Variants in HERPUD2 observed in about 807,000 individuals in gnomAD.
The protein encoded by HERPUD2 is homocysteine-responsive endoplasmic reticulum-resident ubiquitin-like domain member 2 protein.
HERPUD2 carries 13 observed loss-of-function variants against 49.9 expected under a neutral mutation model. The observed-to-expected ratio is 0.26, with a 90% CI of 0.17 to 0.41. HERPUD2 has a LOEUF of 0.41. Ranked by LOEUF, HERPUD2 falls within the 10% of genes least tolerant of loss-of-function variation. The pLI, the probability that HERPUD2 is intolerant of heterozygous loss-of-function variation, is 1.00. For missense variants in HERPUD2, 449 were observed against 492.2 expected (o/e 0.91, Z 0.83); for synonymous variants, 172 against 171.4 (o/e 1.00, Z -0.03).
chr7:35,691,883 G>A (rs1344899300), intron 2 of HERPUD2, among the ~76,000 whole-genome samples: 2 of 152,086 alleles, frequency 1.3e-5, no homozygotes, highest in Admixed American at 6.6e-5. Flanking sequence ...CAATTCTCAC[G>A]TGATAAGAAT....
chr7:35,639,177 C>T (rs1180571583), intron 5 of HERPUD2, among the ~76,000 whole-genome samples: 7 of 151,888 alleles, frequency 4.6e-5, no homozygotes, highest in African/African-American at 9.7e-5. Flanking sequence ...TACAGGCACG[C>T]GCCACCACAC....
At chr7:35,644,010 C>G (rs1785008716) in intron 5 of HERPUD2, among the ~76,000 whole-genome samples, 1 of 152,058 alleles carries the variant, frequency 6.6e-6, no homozygotes, top group South Asian at 2.1e-4. Flanking sequence ...AATAGTACTG[C>G]TATTTTAAAA....
chr7:35,675,211 G>A (rs1414222403), intron 2 of HERPUD2, among the ~76,000 whole-genome samples: 13 of 152,180 alleles, frequency 8.5e-5, no homozygotes, highest in Non-Finnish European at 1.6e-4. Context: ...AGAACTCCTT[G>A]TTGTTGGAGA....
intron 5 of HERPUD2, among the ~76,000 whole-genome samples, chr7:35,644,174 G>T (rs1242100634): frequency 6.6e-6 from 1 of 151,336 alleles, no homozygotes. Flanking sequence ...ACCTAAATTT[G>T]ATATATCAGT....
chr7:35,659,920 A>T (rs993633372), intron 5 of HERPUD2, among the ~76,000 whole-genome samples: 4 of 150,874 alleles, frequency 2.7e-5, no homozygotes, highest in African/African-American at 7.3e-5. Flanking sequence ...TCTAGGGTAC[A>T]TGTTCACAAC....
intron 2 of HERPUD2, among the ~76,000 whole-genome samples, chr7:35,674,689 A>T (rs1256925091): frequency 6.7e-6 from 1 of 148,306 alleles, no homozygotes; most frequent in East Asian, 2.0e-4. Context: ...CCAGAGAGGG[A>T]GAGTGGCTTA....
chr7:35,682,706 A>T (rs915712768), intron 2 of HERPUD2, among the ~76,000 whole-genome samples: 2 of 152,014 alleles, frequency 1.3e-5, no homozygotes, highest in Non-Finnish European at 2.9e-5. Flanking sequence ...AACTAATAAA[A>T]GAATTCAGCA....
intron 2 of HERPUD2, among the ~76,000 whole-genome samples, chr7:35,690,825 C>T (rs1786166412): frequency 1.3e-5 from 2 of 151,620 alleles, no homozygotes; most frequent in South Asian, 2.1e-4. Context: ...AAAAAAAGAA[C>T]GGTATAAAAA....
chr7:35,666,167 C>T (rs184327111), intron 5 of HERPUD2, among the ~76,000 whole-genome samples: 17 of 152,314 alleles, frequency 1.1e-4, no homozygotes, highest in Admixed American at 9.8e-4. Context: ...CCTGAGAACA[C>T]TGCTTTTTAC....
chr7:35,683,371 T>C (rs943027204), intron 2 of HERPUD2, among the ~76,000 whole-genome samples: 21 of 152,314 alleles, frequency 1.4e-4, no homozygotes, highest in Admixed American at 5.2e-4. Flanking sequence ...TAGTCACATG[T>C]AGAAGAATGA....
chr7:35,646,696 T>C (rs1427374548), intron 5 of HERPUD2, among the ~76,000 whole-genome samples: 1 of 152,178 alleles, frequency 6.6e-6, no homozygotes, highest in African/African-American at 2.4e-5. Flanking sequence ...GAATGTGTAA[T>C]ATGCCTGTCC....
chr7:35,673,409 T>C (rs1420193602), intron 2 of HERPUD2, 131 bp from the exon 3 acceptor site: 1 of 643,244 alleles, frequency 1.6e-6, no homozygotes, highest in South Asian at 2.2e-5. Context: ...TGACACAATT[T>C]AAGAATTTTT....
intron 8 of HERPUD2, 89 bp downstream of exon 8, chr7:35,634,223 G>T: frequency 1.2e-6 from 1 of 815,234 alleles, no homozygotes; most frequent in Non-Finnish European, 2.1e-6. Flanking sequence ...AATACTTATG[G>T]AACATCCAAC....
chr7:35,645,408 C>T (rs1785034237), intron 5 of HERPUD2, among the ~76,000 whole-genome samples: 1 of 151,846 alleles, frequency 6.6e-6, no homozygotes, highest in Non-Finnish European at 1.5e-5. Flanking sequence ...TAGTGAGATC[C>T]CATCTCTAAC....
chr7:35,674,371 C>G (rs1785703907), intron 2 of HERPUD2, among the ~76,000 whole-genome samples: 1 of 79,470 alleles, frequency 1.3e-5, no homozygotes, highest in African/African-American at 4.3e-5. Flanking sequence ...AATCATAAGT[C>G]TTACAACCTA....
At position 35,665,530 on chromosome 7, in the gene HERPUD2, T is replaced by C. The variant is rs530279270; in HGVS notation, c.494+1904A>G. Among the ~76,000 whole-genome samples, 3 of 152,354 alleles carry C rather than the reference T, an allele frequency of 2.0e-5. No homozygotes were observed. In the South Asian group the frequency reaches 6.2e-4, roughly 32 times the overall value. On this transcript the variant is annotated intron_variant, in intron 5 of 8. Coordinates refer to ENST00000311350, the MANE Select transcript of HERPUD2 (RefSeq NM_022373.5). ...GTGCAGTCTCTCACGGCTTCCCTTT[T>C]GTAGTAAAGGGAATTCCCCGACCCC...
chr7:35,654,432 A>G (rs1298575974), intron 5 of HERPUD2, among the ~76,000 whole-genome samples: 1 of 151,912 alleles, frequency 6.6e-6, no homozygotes, highest in East Asian at 1.9e-4. Context: ...ACACACTAAT[A>G]CATCAGAAAA....
Position 35,634,307 on chromosome 7 carries a change from C to T in HERPUD2, c.1059+5G>A. 2.5e-6 allele frequency: 4 copies of T among 1,574,224 alleles called. No homozygotes were observed. Among genetic ancestry groups the T allele is most frequent in the Non-Finnish European group, 3.5e-6 (4 of 1,143,738 alleles). On this transcript the variant is annotated splice_donor_5th_base_variant and intron_variant, in intron 8 of 8. Coordinates refer to ENST00000311350, the MANE Select transcript of HERPUD2 (RefSeq NM_022373.5). ...CTTAAGTATACAAAAGCTTCAATCA[C>T]ATACCATTTCTTCAAGTTCCAAGTT...
intron 6 of HERPUD2, among the ~76,000 whole-genome samples, chr7:35,637,009 C>A (rs1161719676): frequency 6.6e-6 from 1 of 152,012 alleles, no homozygotes; most frequent in Non-Finnish European, 1.5e-5. Flanking sequence ...TGGCACATAT[C>A]TGTAATCTCG....
Sources: allele counts gnomAD v4.1 joint callset (sites outside exome capture counted in the v4.1 genomes callset), GRCh38; gene constraint gnomAD v4.1.1; transcripts MANE v1.5; gene names NCBI Gene and HGNC (gene_info 2026-07-23, HGNC 2026-07-21).